Variants in CDK19 observed in about 807,000 individuals in gnomAD.
CDK19 encodes cyclin-dependent kinase 19.
CDK19 carries 20 observed loss-of-function variants against 68.3 expected under a neutral mutation model. That is an observed-to-expected ratio of 0.29 (90% CI 0.21 to 0.43). CDK19 has a LOEUF of 0.43. CDK19 is among the 20% of genes least tolerant of loss of function. The pLI, the probability that CDK19 is intolerant of heterozygous loss-of-function variation, is 1.00. For missense variants in CDK19, 339 were observed against 623.5 expected (o/e 0.54, Z 4.86); for synonymous variants, 221 against 222.8 (o/e 0.99, Z 0.07).
intron 1 of CDK19, among the ~76,000 whole-genome samples, chr6:110,785,074 CAAAA>C (rs66578190): frequency 9.2e-5 from 6 of 64,934 alleles, no homozygotes; most frequent in Non-Finnish European, 1.8e-4. Flanking sequence ...ACTGAATTGT[CAAAA>C]AAAAAAAAAA....
intron 4 of CDK19, among the ~76,000 whole-genome samples, chr6:110,658,259 G>A (rs1438495467): frequency 2.6e-5 from 4 of 152,120 alleles, no homozygotes; most frequent in African/African-American, 9.7e-5. Context: ...AGGAACCAGA[G>A]GTCACTGGCA....
At chr6:110,666,260 CAA>C (rs777957434) in intron 4 of CDK19, among the ~76,000 whole-genome samples, 6 of 98,842 alleles carry the variant, frequency 6.1e-5, no homozygotes, top group Admixed American at 1.0e-4. Context: ...CTAAAAAATA[CAA>C]AAAAAAAAAA....
At chr6:110,759,812 C>T (rs1176307992) in intron 1 of CDK19, among the ~76,000 whole-genome samples, 1 of 151,728 alleles carries the variant, frequency 6.6e-6, no homozygotes, top group Non-Finnish European at 1.5e-5. Context: ...TTAACCTGAC[C>T]TCGTTAAATG....
At chr6:110,683,435 G>C (rs944153841) in intron 2 of CDK19, among the ~76,000 whole-genome samples, 11 of 152,068 alleles carry the variant, frequency 7.2e-5, no homozygotes, top group Admixed American at 3.3e-4. Flanking sequence ...GAGTGAGGCT[G>C]AGTTGGAAAA....
At chr6:110,669,400 C>T (rs184792406) in intron 3 of CDK19, among the ~76,000 whole-genome samples, 3 of 152,218 alleles carry the variant, frequency 2.0e-5, no homozygotes, top group Admixed American at 2.0e-4. Context: ...TCGCTTGAGC[C>T]CAGGAGGTCA....
intron 1 of CDK19, among the ~76,000 whole-genome samples, chr6:110,812,720 CA>C (rs1472358223): frequency 2.0e-5 from 3 of 148,876 alleles, no homozygotes; most frequent in Non-Finnish European, 4.4e-5. Context: ...CTGAGTTAAC[CA>C]AAATAAAATC....
chr6:110,639,798 G>A (rs1329052716), intron 4 of CDK19, among the ~76,000 whole-genome samples: 3 of 152,212 alleles, frequency 2.0e-5, no homozygotes, highest in Admixed American at 2.0e-4. Context: ...GGATGGAAGT[G>A]GGAATGGTGT....
intron 2 of CDK19, among the ~76,000 whole-genome samples, chr6:110,682,239 A>G (rs1486940635): frequency 6.6e-6 from 1 of 152,168 alleles, no homozygotes; most frequent in African/African-American, 2.4e-5. Flanking sequence ...TTGACCATCA[A>G]TCTTTCCCCT....
intron 4 of CDK19, among the ~76,000 whole-genome samples, chr6:110,663,071 T>C (rs1036544270): frequency 6.6e-6 from 1 of 152,160 alleles, no homozygotes; most frequent in Non-Finnish European, 1.5e-5. Flanking sequence ...CTGACTTTTA[T>C]TTACTTTAAA....
intron 2 of CDK19, among the ~76,000 whole-genome samples, chr6:110,706,067 GT>G (rs1245799857): frequency 4.6e-5 from 7 of 151,982 alleles, no homozygotes; most frequent in African/African-American, 1.7e-4. Context: ...TTGTTTGTTT[GT>G]TTTTGAGACG....
At chr6:110,694,375 C>A (rs1444132858) in intron 2 of CDK19, among the ~76,000 whole-genome samples, 2 of 152,126 alleles carry the variant, frequency 1.3e-5, no homozygotes, top group East Asian at 3.8e-4. Flanking sequence ...TTATATCAGA[C>A]AACACAGACT....
chr6:110,653,420 A>G (rs1582786019), intron 4 of CDK19, among the ~76,000 whole-genome samples: 1 of 152,240 alleles, frequency 6.6e-6, no homozygotes, highest in African/African-American at 2.4e-5. Flanking sequence ...AAAAAACCTA[A>G]AAGGATGAAG....
At chr6:110,697,769 A>G (rs1282789752) in intron 2 of CDK19, among the ~76,000 whole-genome samples, 1 of 152,232 alleles carries the variant, frequency 6.6e-6, no homozygotes, top group Non-Finnish European at 1.5e-5. Context: ...AAACTATACT[A>G]CAAGGCTATA....
chr6:110,811,322 C>T (rs1783077532), intron 1 of CDK19, among the ~76,000 whole-genome samples: 1 of 152,208 alleles, frequency 6.6e-6, no homozygotes, highest in Non-Finnish European at 1.5e-5. Flanking sequence ...AATTTCATGA[C>T]ATACATTAAG....
At chr6:110,672,642 A>T (rs1430809614) in intron 2 of CDK19, among the ~76,000 whole-genome samples, 1 of 152,218 alleles carries the variant, frequency 6.6e-6, no homozygotes, top group Non-Finnish European at 1.5e-5. Context: ...AAATAAAAAC[A>T]AATATGAATA....
chr6:110,797,322 AGAGG>A (rs1299983045), intron 1 of CDK19, among the ~76,000 whole-genome samples: 1 of 152,170 alleles, frequency 6.6e-6, no homozygotes, highest in Non-Finnish European at 1.5e-5. Context: ...CCTAGGCGAC[AGAGG>A]GAGACTTCGT....
chr6:110,690,679 G>A (rs1293430239), intron 2 of CDK19, among the ~76,000 whole-genome samples: 8 of 152,142 alleles, frequency 5.3e-5, no homozygotes, highest in Non-Finnish European at 2.9e-5. Flanking sequence ...CCCTATAGGA[G>A]ACAATGAATT....
intron 2 of CDK19, among the ~76,000 whole-genome samples, chr6:110,702,808 C>T (rs369016549): frequency 6.6e-6 from 1 of 152,004 alleles, no homozygotes; most frequent in African/African-American, 2.4e-5. Flanking sequence ...GCACAAAAAA[C>T]GTCATTATAA....
At chr6:110,768,723 G>A (rs1218328180) in intron 1 of CDK19, among the ~76,000 whole-genome samples, 3 of 152,174 alleles carry the variant, frequency 2.0e-5, no homozygotes, top group Admixed American at 2.0e-4. Context: ...CTTGCAGGGA[G>A]GGAACCAGGG....
Sources: allele counts gnomAD v4.1 joint callset (sites outside exome capture counted in the v4.1 genomes callset), GRCh38; gene constraint gnomAD v4.1.1; transcripts MANE v1.5; gene names NCBI Gene and HGNC (gene_info 2026-07-23, HGNC 2026-07-21).